POLK: variants seen among roughly 807,000 people sequenced by gnomAD.
The protein encoded by POLK is polymerase (DNA directed) kappa.
In POLK, 76 loss-of-function variants were observed where a neutral mutation model predicts 94.0. The ratio of observed to expected loss-of-function variants is 0.81; its 90% CI spans 0.67 to 0.98. The LOEUF (loss-of-function observed/expected upper bound fraction) is 0.98. Ranked by LOEUF, POLK falls within the 50% of genes least tolerant of loss-of-function variation. The pLI, the probability that POLK is intolerant of heterozygous loss-of-function variation, is 0.00. For synonymous variants in POLK, 349 were observed against 325.4 expected, an observed-to-expected ratio of 1.07 and a Z score of -0.78; for missense variants, 954 against 1,010.1, an observed-to-expected ratio of 0.94 and a Z score of 0.75.
exon 13 of POLK, chr5:75,597,152 A>T (rs765781291): frequency 1.3e-6 from 2 of 1,596,502 alleles, no homozygotes; most frequent in Non-Finnish European, 1.7e-6. Context: ...CCAGTTAATC[A>T]ACCCAAAGAA....
rs1433265629 is a variant in POLK, at chr5:75,594,052, A to G, written c.1528+3A>G. 4.5e-6 allele frequency: 7 copies of G among 1,552,630 alleles called. No homozygotes were observed. The highest frequency in any genetic ancestry group is 4.6e-5 in the East Asian group (2 of 43,438). ...TCCCTTGAGATTAAGGCTTATGGGT[A>G]TGACTTTTTCATTTTTTTGTTTTTC... On this transcript the variant is annotated splice_donor_region_variant and intron_variant, in intron 12 of 14. Transcript: ENST00000241436.
intron 1 of POLK, among the ~76,000 whole-genome samples, chr5:75,514,757 C>T (rs1768242550): frequency 6.6e-6 from 1 of 151,954 alleles, no homozygotes; most frequent in Admixed American, 6.6e-5. Context: ...CCTAGCTGCT[C>T]AGGGTGCTGA....
At chr5:75,529,312 G>T (rs1320567077) in intron 1 of POLK, among the ~76,000 whole-genome samples, 1 of 152,026 alleles carries the variant, frequency 6.6e-6, no homozygotes, top group East Asian at 1.9e-4. Flanking sequence ...CAGATCTCTT[G>T]TGAACTCAGA....
At chr5:75,581,597 A>T in intron 7 of POLK, 149 bp downstream of exon 7, 1 of 670,070 alleles carries the variant, frequency 1.5e-6, no homozygotes, top group Non-Finnish European at 2.5e-6. Context: ...TTACCTATTC[A>T]GAATAGCTGT....
chr5:75,549,553 G>A (rs1254091505), intron 2 of POLK, among the ~76,000 whole-genome samples: 1 of 151,162 alleles, frequency 6.6e-6, no homozygotes, highest in Non-Finnish European at 1.5e-5. Flanking sequence ...ATATATAATT[G>A]GCACATATCA....
chr5:75,584,844 T>C (rs149529551), exon 9 of POLK: 1 of 1,603,368 alleles, frequency 6.2e-7, no homozygotes, highest in Non-Finnish European at 8.5e-7. Flanking sequence ...ACAGAGGGCA[T>C]TGCTTTCTCT....
intron 3 of POLK, among the ~76,000 whole-genome samples, chr5:75,567,906 C>T (rs1771363615): frequency 6.6e-6 from 1 of 152,298 alleles, no homozygotes; most frequent in South Asian, 2.1e-4. Flanking sequence ...TTTCACTGTA[C>T]CTCCTGTAGA....
chr5:75,584,329 G>A (rs769626983), intron 8 of POLK, among the ~76,000 whole-genome samples: 1 of 151,962 alleles, frequency 6.6e-6, no homozygotes, highest in Non-Finnish European at 1.5e-5. Context: ...TAGTAAATGT[G>A]GTCAAAAAGT....
chr5:75,586,974 C>T lies in POLK; in HGVS notation c.1227-52C>T, dbSNP rs1772503846. 41 of 1,330,124 alleles carry T rather than the reference C, an allele frequency of 3.1e-5. 1 individual carries two copies. In the South Asian group the frequency reaches 4.6e-4, roughly 15 times the overall value. The allele number at this position is 1,330,124 out of a possible 1,614,324, so 82.4% of individuals were successfully genotyped here. On this transcript the variant is annotated intron_variant, in intron 9 of 14. Coordinates refer to ENST00000241436, the Ensembl canonical transcript of POLK. The stretch of plus-strand genomic sequence containing the variant: ...GATAATGTTAAATCCTCTTGGTTAA[C>T]TAAAAAAAACTCAGTCTTTGAAAAA...
chr5:75,528,743 C>T (rs1388746088), intron 1 of POLK, among the ~76,000 whole-genome samples: 2 of 152,074 alleles, frequency 1.3e-5, no homozygotes, highest in African/African-American at 2.4e-5. Flanking sequence ...CCTAGAAGTT[C>T]GAGGTTACAG....
chr5:75,537,647 T>C (rs1769513524), intron 1 of POLK, among the ~76,000 whole-genome samples: 1 of 152,216 alleles, frequency 6.6e-6, no homozygotes, highest in East Asian at 1.9e-4. Flanking sequence ...ACTTCTGCTA[T>C]AATCTATTTG....
chr5:75,547,137 A>G (rs780372614), exon 2 of POLK: 2 of 1,545,210 alleles, frequency 1.3e-6, no homozygotes, highest in African/African-American at 2.8e-5. Context: ...AATTAACAAA[A>G]TTATAATGGA....
chr5:75,511,779 G>T (rs757993663), exon 1 of POLK: 2 of 1,551,384 alleles, frequency 1.3e-6, no homozygotes, highest in East Asian at 2.4e-5. Context: ...CCCGGGTGAC[G>T]ACGGGTAGAA....
exon 9 of POLK, chr5:75,584,918 C>T (rs372787599): frequency 1.3e-6 from 2 of 1,585,036 alleles, no homozygotes; most frequent in Non-Finnish European, 1.7e-6. Flanking sequence ...GTTCAACACA[C>T]CTGACGAGGT....
At chr5:75,533,683 A>C (rs560703698) in intron 1 of POLK, among the ~76,000 whole-genome samples, 1 of 152,174 alleles carries the variant, frequency 6.6e-6, no homozygotes, top group Non-Finnish European at 1.5e-5. Flanking sequence ...CTTTGGGAGC[A>C]TGACTATTTT....
chr5:75,526,092 A>G (rs1171591422), intron 1 of POLK, among the ~76,000 whole-genome samples: 1 of 152,192 alleles, frequency 6.6e-6, no homozygotes, highest in East Asian at 1.9e-4. Context: ...TTATATATGC[A>G]TGTTTTTAGC....
chr5:75,590,351 A>C lies in POLK; in HGVS notation c.1267A>C (p.Ser423Arg), dbSNP rs35257416. ...TTATTCTTGTCTTTCTAGGACATTCAGTGAGATAAATAAAGCGGAAGAGCA... is the reference window on the plus strand; with the variant it reads ...TTATTCTTGTCTTTCTAGGACATTCCGTGAGATAAATAAAGCGGAAGAGCA... Residue 423 changes from serine (S) to arginine (R), a missense_variant, in exon 11 of 15, where the codon AGT becomes CGT. By Grantham distance (110) the Ser-to-Arg change is moderately radical. Coordinates refer to ENST00000241436, the Ensembl canonical transcript of POLK. 8.7e-4 allele frequency: 1,369 copies of C among 1,573,402 alleles called. 14 individuals are homozygous for C. In the African/African-American group the frequency reaches 0.016, roughly 18 times the overall value.
At chr5:75,608,822 A>G in the POLK span, 1 of 152,260 alleles carries the variant, frequency 6.6e-6, no homozygotes, top group Admixed American at 6.5e-5. Flanking sequence ...TGGATGAAGA[A>G]TGGAGAAGAA....
chr5:75,602,668 G>T (rs72633975), downstream of POLK, among the ~76,000 whole-genome samples: 1 of 152,088 alleles, frequency 6.6e-6, no homozygotes, highest in African/African-American at 2.4e-5. Flanking sequence ...AGGAGGATGG[G>T]CTATGCGTTT....
Sources: gnomAD v4.1 joint callset for allele counts (sites outside exome capture counted in the v4.1 genomes callset) on GRCh38, gnomAD v4.1.1 for gene constraint, MANE v1.5 for transcripts, NCBI Gene and HGNC (gene_info 2026-07-23, HGNC 2026-07-21) for gene names.